Variants in ANKRD55 observed in about 807,000 individuals in gnomAD.
ANKRD55 encodes ankyrin repeat domain 55.
In ANKRD55, 41 loss-of-function variants were observed where a neutral mutation model predicts 60.6. The ratio of observed to expected loss-of-function variants is 0.68; its 90% CI spans 0.53 to 0.88. The LOEUF is 0.88. Ranked by LOEUF, ANKRD55 falls within the 40% of genes least tolerant of loss-of-function variation. ANKRD55 has a pLI of 0.00. For synonymous variants in ANKRD55, 264 were observed against 290.3 expected (o/e 0.91, Z 0.92); for missense variants, 732 against 767.6 (o/e 0.95, Z 0.55).
intron 6 of ANKRD55, among the ~76,000 whole-genome samples, chr5:56,154,969 C>CG (rs2111783246): frequency 6.6e-6 from 1 of 152,104 alleles, no homozygotes; most frequent in Admixed American, 6.5e-5. Context: ...TGGTGGTGCA[C>CG]GCCTATAATC....
chr5:56,145,880 A>G (rs1757883399), intron 6 of ANKRD55, among the ~76,000 whole-genome samples: 1 of 152,244 alleles, frequency 6.6e-6, no homozygotes, highest in African/African-American at 2.4e-5. Context: ...TATAAAAGCA[A>G]TGGAACTTCT....
chr5:56,124,668 C>T (rs1009249620), intron 8 of ANKRD55, among the ~76,000 whole-genome samples: 15 of 152,048 alleles, frequency 9.9e-5, no homozygotes, highest in South Asian at 2.1e-4. Context: ...CCACCACGCC[C>T]GGCTAATTTT....
At chr5:56,101,577 G>T (rs1756276826) in intron 11 of ANKRD55, among the ~76,000 whole-genome samples, 1 of 152,146 alleles carries the variant, frequency 6.6e-6, no homozygotes, top group South Asian at 2.1e-4. Context: ...TTATGCTTCA[G>T]AGTATAGATA....
At chr5:56,126,866 G>C (rs1221725062) in intron 8 of ANKRD55, 56 bp downstream of exon 8, 8 of 1,530,506 alleles carry the variant, frequency 5.2e-6, no homozygotes, top group Non-Finnish European at 7.1e-6. Context: ...TTTATTTTAA[G>C]ATTCAGTTAG....
intron 4 of ANKRD55, among the ~76,000 whole-genome samples, chr5:56,171,900 C>T (rs981694336): frequency 1.3e-5 from 2 of 151,900 alleles, no homozygotes; most frequent in East Asian, 1.9e-4. Flanking sequence ...GGGTGGATCA[C>T]GAGGTCAGGA....
intron 8 of ANKRD55, among the ~76,000 whole-genome samples, chr5:56,118,178 G>T (rs965837249): frequency 6.6e-6 from 1 of 151,904 alleles, no homozygotes; most frequent in East Asian, 1.9e-4. Flanking sequence ...TGGCCAAAAG[G>T]TATAAAAATA....
intron 6 of ANKRD55, among the ~76,000 whole-genome samples, chr5:56,153,837 A>C (rs1041447729): frequency 6.6e-6 from 1 of 151,812 alleles, no homozygotes; most frequent in Non-Finnish European, 1.5e-5. Flanking sequence ...CCATCTCGAA[A>C]AAAACAAAAC....
chr5:56,202,124 A>G (rs1464861946), intron 2 of ANKRD55, among the ~76,000 whole-genome samples: 1 of 152,082 alleles, frequency 6.6e-6, no homozygotes, highest in Non-Finnish European at 1.5e-5. Context: ...GAGAGGAACA[A>G]CACACACTGG....
chr5:56,144,573 G>A (rs562014868), intron 6 of ANKRD55, among the ~76,000 whole-genome samples: 3 of 152,274 alleles, frequency 2.0e-5, no homozygotes, highest in African/African-American at 7.2e-5. Context: ...CTGGGAGGGT[G>A]GGATGGGGGA....
In ANKRD55 at chr5:56,202,330, A is replaced by G. The variant is rs190454247; in HGVS notation, c.59-18696T>C. Among the ~76,000 whole-genome samples the G allele has an allele frequency of 2.0e-5, 3 of 152,264 alleles. 1 individual carries two copies. Among genetic ancestry groups the G allele is most frequent in the African/African-American group, 7.2e-5 (3 of 41,562 alleles). On this transcript the variant is annotated intron_variant, in intron 2 of 11. Coordinates refer to ENST00000341048, the MANE Select transcript of ANKRD55 (RefSeq NM_024669.3). ...ATGAAAGTTAAAGAAAAAAAAAAAC[A>G]AAGTGTGCCTGTTGTTATTATTATC...
chr5:56,113,484 G>A (rs946788135), intron 9 of ANKRD55, among the ~76,000 whole-genome samples: 47 of 152,110 alleles, frequency 3.1e-4, no homozygotes, highest in African/African-American at 1.1e-3. Context: ...TACTATATAC[G>A]GAGGTGTGAT....
rs780023572 is a variant in ANKRD55, at chr5:56,111,162, A to G, written c.1586T>C (p.Val529Ala). ...LLSVRPGHQE[V>A]SVPPHLRHLH... ...ATGGCGAAGGTGTGGTGGCACGGAG[A>G]CCTCTTGGTGACCAGGCCGGACACT... The change falls in exon 10 of 12, where the codon GTC becomes GCC. Residue 529 changes from valine to alanine, a missense_variant. Physicochemically the swap from Val to Ala is moderately conservative, Grantham distance 64. Around this residue, in one of 3 missense-constraint regions of ANKRD55, gnomAD observed 597 missense variants for 607.5 expected, o/e 0.98. Coordinates refer to ENST00000341048, the MANE Select transcript of ANKRD55 (RefSeq NM_024669.3). 7.4e-6 allele frequency: 12 copies of G among 1,613,966 alleles called. No homozygotes were observed. The Admixed American group carries it at 2.0e-4, about 27-fold the overall frequency.
At chr5:56,141,221 C>T (rs1757756707) in intron 7 of ANKRD55, among the ~76,000 whole-genome samples, 1 of 149,106 alleles carries the variant, frequency 6.7e-6, no homozygotes, top group Non-Finnish European at 1.5e-5. Flanking sequence ...ATCCTCCTGC[C>T]TCGGATTCCC....
chr5:56,189,345 T>C (rs1329297991), intron 2 of ANKRD55, among the ~76,000 whole-genome samples: 1 of 150,828 alleles, frequency 6.6e-6, no homozygotes, highest in Non-Finnish European at 1.5e-5. Flanking sequence ...AAAAGATACA[T>C]AAAATTTAAA....
intron 2 of ANKRD55, among the ~76,000 whole-genome samples, chr5:56,185,401 T>C (rs966050339): frequency 3.9e-5 from 6 of 152,030 alleles, no homozygotes; most frequent in Non-Finnish European, 8.8e-5. Context: ...GTGTGGTGGC[T>C]CACGCCTGTA....
chr5:56,203,647 C>T (rs558491498), intron 2 of ANKRD55, among the ~76,000 whole-genome samples: 2 of 152,220 alleles, frequency 1.3e-5, no homozygotes, highest in East Asian at 3.9e-4. Context: ...CATCCATGTC[C>T]CTACAAAGGA....
chr5:56,216,570 AAATT>A (rs1368808269), intron 2 of ANKRD55, among the ~76,000 whole-genome samples: 8 of 152,224 alleles, frequency 5.3e-5, no homozygotes, highest in Non-Finnish European at 8.8e-5. Flanking sequence ...TTCTTGAAGG[AAATT>A]AAAAGTGCTA....
rs930614378 is a variant in ANKRD55, at chr5:56,111,535, C to A, written c.1213G>T (p.Glu405Ter). 4 of 1,613,928 alleles carry A rather than the reference C, an allele frequency of 2.5e-6. No individual in the cohort carries two copies. Among genetic ancestry groups the A allele is most frequent in the Non-Finnish European group, 3.4e-6 (4 of 1,179,978 alleles). Residue 405 changes from glutamate to a stop codon, truncating the protein, a stop_gained, in exon 10 of 12, where the codon GAA (glutamate) becomes TAA (stop). Coordinates refer to ENST00000341048, the MANE Select transcript of ANKRD55 (RefSeq NM_024669.3). LOFTEE classifies it high-confidence loss of function. ...TTGTCTGAGGTTTTCTTCTTAAATT[C>A]AACCATAGCCACCTGATCACCAGGC... ...EQPGDQVAMV[E>*]FKKKTSDNSK...
At chr5:56,152,067 G>A (rs1287565131) in intron 6 of ANKRD55, among the ~76,000 whole-genome samples, 2 of 125,650 alleles carry the variant, frequency 1.6e-5, no homozygotes, top group Non-Finnish European at 3.3e-5. Context: ...TAGGGTTGGA[G>A]GAGAGTGGGA....
Sources: gnomAD v4.1 joint callset for allele counts (sites outside exome capture counted in the v4.1 genomes callset) on GRCh38, gnomAD v4.1.1 for gene constraint, gnomAD v4.1.1 regional missense constraint, MANE v1.5 for transcripts, NCBI Gene and HGNC (gene_info 2026-07-23, HGNC 2026-07-21) for gene names.